Variants in NRG2 observed in about 807,000 individuals in gnomAD.
NRG2 encodes the protein pro-neuregulin-2, membrane-bound isoform.
In NRG2, 27 loss-of-function variants were observed where a neutral mutation model predicts 73.9. The ratio of observed to expected loss-of-function variants is 0.37; its 90% CI spans 0.27 to 0.50. NRG2 has a LOEUF of 0.50. Ranked by LOEUF, NRG2 falls within the 20% of genes least tolerant of loss-of-function variation. The pLI, the probability that NRG2 is intolerant of heterozygous loss-of-function variation, is 0.96. For missense variants in NRG2, 1,126 were observed against 1,210.1 expected, an observed-to-expected ratio of 0.93 and a Z score of 1.03; for synonymous variants, 532 against 541.0, an observed-to-expected ratio of 0.98 and a Z score of 0.23.
chr5:139,946,056 A>G (rs1753778521), intron 1 of NRG2, among the ~76,000 whole-genome samples: 1 of 152,092 alleles, frequency 6.6e-6, no homozygotes, highest in African/African-American at 2.4e-5. Flanking sequence ...CGATCTACAG[A>G]TTCAGTGCCA....
At chr5:139,867,810 G>A (rs1437638281) in intron 4 of NRG2, among the ~76,000 whole-genome samples, 14 of 138,496 alleles carry the variant, frequency 1.0e-4, no homozygotes, top group South Asian at 4.4e-4. Context: ...GAGTGTGTGT[G>A]TGTGTGTGTG....
At chr5:140,006,168 C>T (rs1401034052) in intron 1 of NRG2, among the ~76,000 whole-genome samples, 1 of 152,226 alleles carries the variant, frequency 6.6e-6, no homozygotes, top group Non-Finnish European at 1.5e-5. Flanking sequence ...CTGTCACTCA[C>T]TGTGATCAGT....
chr5:139,847,646 C>CTTT lies in NRG2; in HGVS notation c.*268_*270dup. 1 of 275,334 alleles carries CTTT rather than the reference C, an allele frequency of 3.6e-6. No individual in the cohort carries two copies. Among genetic ancestry groups the CTTT allele is most frequent in the African/African-American group, 2.3e-5 (1 of 43,602 alleles). 17.1% of individuals were successfully genotyped at this position (275,334 alleles called of 1,614,324 possible). On this transcript the variant is annotated 3_prime_UTR_variant, in exon 10 of 10. Transcript: ENST00000361474. ...AGAGTCAAAAAATTGGCCCATCTCT[C>CTTT]TTTTTTTTTTGTTGTTTCTTTTTTT...
chr5:139,872,122 A>C (rs1762891917), intron 3 of NRG2, among the ~76,000 whole-genome samples: 1 of 152,216 alleles, frequency 6.6e-6, no homozygotes, highest in Admixed American at 6.5e-5. Context: ...CAGGGTGAGA[A>C]GACAGCAGGA....
rs1343809770 is a variant in NRG2 at position 139,904,704 on chromosome 5, G to A, written c.701-17193C>T. 6.6e-6 allele frequency among the ~76,000 whole-genome samples: 1 copy of A among 152,182 alleles called. No individual in the cohort carries two copies. Among genetic ancestry groups the A allele is most frequent in the Non-Finnish European group, 1.5e-5 (1 of 68,020 alleles). ...GCCACAGACCTCCTCGCCGAAGAGG[G>A]GGCTTGAGCTGGGCTGGGGGCCTGA... is the stretch of plus-strand genomic sequence containing the variant. On this transcript the variant is annotated intron_variant, in intron 1 of 9. Coordinates refer to ENST00000361474, the MANE Select transcript of NRG2 (RefSeq NM_004883.3). The surrounding 1 kb of genome is among the most constrained non-coding windows in gnomAD (Gnocchi z 6.0).
At chr5:139,949,610 T>G (rs1481369952) in intron 1 of NRG2, among the ~76,000 whole-genome samples, 2 of 152,240 alleles carry the variant, frequency 1.3e-5, no homozygotes, top group African/African-American at 4.8e-5. Context: ...GCTTCTATTC[T>G]ATTTTAGCTA....
At chr5:139,892,602 T>G (rs1195913034) in intron 1 of NRG2, among the ~76,000 whole-genome samples, 1 of 152,178 alleles carries the variant, frequency 6.6e-6, no homozygotes, top group African/African-American at 2.4e-5. Flanking sequence ...CTGTTTCTCT[T>G]TTACAGCCCA....
rs568048848 is a variant in NRG2 at position 139,954,200 on chromosome 5, G to A, written c.701-66689C>T. ...CTGCTTCTCATTAGCAAAAGTGACCGTGGAGGAGAAATCCAGCCCAACCCA... is the reference window on the plus strand; with the variant it reads ...CTGCTTCTCATTAGCAAAAGTGACCATGGAGGAGAAATCCAGCCCAACCCA... On this transcript the variant is annotated intron_variant, in intron 1 of 9. Transcript: ENST00000361474. This position sits in a 1 kb window ranked among gnomAD's most constrained non-coding sequence, Gnocchi z 5.0. 2.0e-5 allele frequency among the ~76,000 whole-genome samples: 3 copies of A among 152,268 alleles called. No homozygotes were observed. The highest frequency in any genetic ancestry group is 2.1e-4 in the South Asian group (1 of 4,820).
chr5:139,892,001 G>A (rs1370331603), intron 1 of NRG2, among the ~76,000 whole-genome samples: 1 of 152,188 alleles, frequency 6.6e-6, no homozygotes, highest in East Asian at 1.9e-4. Flanking sequence ...CGGTTCCTCG[G>A]AATCATCTGT....
intron 1 of NRG2, among the ~76,000 whole-genome samples, chr5:139,903,142 C>T (rs180794389): frequency 3.9e-5 from 6 of 152,020 alleles, no homozygotes; most frequent in East Asian, 1.9e-4. Context: ...CCCAGCTTCC[C>T]GTCAAACGCT....
intron 1 of NRG2, among the ~76,000 whole-genome samples, chr5:139,990,253 A>G (rs1009393852): frequency 4.0e-5 from 6 of 151,800 alleles, no homozygotes; most frequent in Non-Finnish European, 7.4e-5. Flanking sequence ...ACTGTTCACC[A>G]GTTTACATTC....
At chr5:139,876,852 C>A (rs112018614) in intron 3 of NRG2, among the ~76,000 whole-genome samples, 1 of 151,824 alleles carries the variant, frequency 6.6e-6, no homozygotes, top group African/African-American at 2.4e-5. Flanking sequence ...GCCAAGACTG[C>A]GACTTCCCAG....
intron 1 of NRG2, among the ~76,000 whole-genome samples, chr5:139,897,236 A>AT (rs1764603874): frequency 6.6e-6 from 1 of 152,224 alleles, no homozygotes; most frequent in Non-Finnish European, 1.5e-5. Flanking sequence ...CAAGTTACTT[A>AT]AACTCTCTGA....
rs1581762596 is a variant in NRG2, at chr5:139,851,040, T to C, written c.1772+564A>G. 1.3e-5 allele frequency among the ~76,000 whole-genome samples: 2 copies of C among 151,732 alleles called. No homozygotes were observed. The highest frequency in any genetic ancestry group is 4.2e-4 in the South Asian group (2 of 4,792). On this transcript the variant is annotated intron_variant, in intron 9 of 9. Coordinates refer to ENST00000361474, the MANE Select transcript of NRG2 (RefSeq NM_004883.3). The surrounding 1 kb of genome is among the most constrained non-coding windows in gnomAD (Gnocchi z 4.2). ...TCTTGCTCTGTTGCTGAGGTTGGAG[T>C]GCAGTGGCGCCATCTCAGCTCACTG... is the stretch of plus-strand genomic sequence containing the variant.
Position 139,852,680 on chromosome 5 carries a change from G to C in NRG2, c.1417-121C>G, listed in dbSNP as rs377137257. The C allele has an allele frequency of 1.4e-6, 2 of 1,471,012 alleles. No individual in the cohort carries two copies. The highest frequency in any genetic ancestry group is 1.8e-6 in the Non-Finnish European group (2 of 1,081,096). The allele number at this position is 1,471,012 out of a possible 1,614,324, so 91.1% of individuals were successfully genotyped here. A position where few individuals can be genotyped will look rare whatever the true frequency, so the allele number is the denominator to read the frequency against. ...CTGGTTGGGGAGACCCACTGTGTGAGAGTGACTTGATGTTGGGGCAGCGAT... is the reference window on the plus strand; with the variant it reads ...CTGGTTGGGGAGACCCACTGTGTGACAGTGACTTGATGTTGGGGCAGCGAT... On this transcript the variant is annotated intron_variant, in intron 7 of 9. Transcript: ENST00000361474. The surrounding 1 kb of genome is among the most constrained non-coding windows in gnomAD (Gnocchi z 4.4).
intron 1 of NRG2, among the ~76,000 whole-genome samples, chr5:139,934,491 T>C (rs1752701027): frequency 1.3e-5 from 2 of 149,234 alleles, no homozygotes; most frequent in South Asian, 4.3e-4. Context: ...TAAAAACAAA[T>C]CAAAACAAAG....
intron 1 of NRG2, among the ~76,000 whole-genome samples, chr5:140,024,758 CGGGTTTGAG>C: frequency 6.6e-6 from 1 of 152,204 alleles, no homozygotes; most frequent in South Asian, 2.1e-4. Flanking sequence ...GGAAGCGGCT[CGGGTTTGAG>C]ACTCAGAAGG....
At chr5:139,971,552 A>G (rs1183403039) in intron 1 of NRG2, among the ~76,000 whole-genome samples, 1 of 152,240 alleles carries the variant, frequency 6.6e-6, no homozygotes, top group East Asian at 1.9e-4. Flanking sequence ...CACAAAAGGA[A>G]AAACCAGAAG....
chr5:139,928,657 A>G (rs142869378), intron 1 of NRG2, among the ~76,000 whole-genome samples: 4 of 152,244 alleles, frequency 2.6e-5, no homozygotes, highest in Admixed American at 2.6e-4. Context: ...GTCTTTCCTG[A>G]TGGTCAACTC....
Sources: allele counts gnomAD v4.1 joint callset (sites outside exome capture counted in the v4.1 genomes callset), GRCh38; gene constraint gnomAD v4.1.1; non-coding constraint Gnocchi (gnomAD v3.1); transcripts MANE v1.5; gene names NCBI Gene and HGNC (gene_info 2026-07-23, HGNC 2026-07-21).